SEMA3E: variants seen among roughly 807,000 people sequenced by gnomAD.
The protein encoded by SEMA3E is semaphorin 3E.
Under a neutral mutation model 93.6 loss-of-function variants are expected in SEMA3E, and 49 were observed. The ratio of observed to expected loss-of-function variants is 0.52; its 90% CI spans 0.42 to 0.66. The LOEUF (loss-of-function observed/expected upper bound fraction) is 0.66. Among genes scored for constraint, SEMA3E ranks in the 30% least tolerant of loss-of-function variants. The probability of loss-of-function intolerance (pLI) is 0.00; values close to 1 mark genes in which losing one functional copy is unlikely to be tolerated. For synonymous variants in SEMA3E, 363 were observed against 330.7 expected (o/e 1.10, Z -1.06); for missense variants, 906 against 964.8 (o/e 0.94, Z 0.81).
intron 4 of SEMA3E, among the ~76,000 whole-genome samples, chr7:83,443,113 A>G (rs948157667): frequency 1.1e-4 from 16 of 152,228 alleles, no homozygotes; most frequent in African/African-American, 3.9e-4. Flanking sequence ...AATAAAGCTG[A>G]CACAGCAAAG....
At chr7:83,455,445 C>T (rs186313546) in intron 4 of SEMA3E, among the ~76,000 whole-genome samples, 3 of 152,248 alleles carry the variant, frequency 2.0e-5, no homozygotes, top group Admixed American at 1.3e-4. Context: ...CTTGCCTCTC[C>T]CAGAAACATT....
intron 4 of SEMA3E, among the ~76,000 whole-genome samples, chr7:83,428,578 A>T (rs73172375): frequency 7.9e-5 from 12 of 152,068 alleles, no homozygotes; most frequent in Admixed American, 1.3e-4. Context: ...ACTCTACCAT[A>T]TCTTTTTTGT....
chr7:83,453,096 C>T (rs1381334898), intron 4 of SEMA3E, among the ~76,000 whole-genome samples: 7 of 152,070 alleles, frequency 4.6e-5, no homozygotes, highest in East Asian at 1.9e-4. Flanking sequence ...GGCGCAATCT[C>T]GGCTCACTGT....
At chr7:83,558,097 T>C (rs1009345533) in intron 1 of SEMA3E, among the ~76,000 whole-genome samples, 1 of 152,170 alleles carries the variant, frequency 6.6e-6, no homozygotes, top group African/African-American at 2.4e-5. Flanking sequence ...ATATTCCTAA[T>C]AATAGCTTTC....
intron 1 of SEMA3E, among the ~76,000 whole-genome samples, chr7:83,510,300 A>C (rs938705095): frequency 6.6e-6 from 1 of 152,196 alleles, no homozygotes; most frequent in Non-Finnish European, 1.5e-5. Context: ...TACAGGAATA[A>C]AAATTCAGCT....
chr7:83,613,552 A>AC (rs529223220), intron 1 of SEMA3E, among the ~76,000 whole-genome samples: 2 of 152,144 alleles, frequency 1.3e-5, no homozygotes, highest in South Asian at 4.1e-4. Context: ...ATAATCTAAA[A>AC]CCAGATTTCA....
chr7:83,499,710 C>T (rs1349320522), intron 1 of SEMA3E, among the ~76,000 whole-genome samples: 1 of 152,082 alleles, frequency 6.6e-6, no homozygotes, highest in African/African-American at 2.4e-5. Context: ...AGAGTTAATT[C>T]CCTTTTTATC....
At chr7:83,524,265 C>A (rs998106166) in intron 1 of SEMA3E, among the ~76,000 whole-genome samples, 1 of 151,974 alleles carries the variant, frequency 6.6e-6, no homozygotes, top group Non-Finnish European at 1.5e-5. Context: ...ACCTGAGGTA[C>A]CTTAGAGGAA....
At chr7:83,531,458 T>G (rs1791299619) in intron 1 of SEMA3E, among the ~76,000 whole-genome samples, 1 of 149,084 alleles carries the variant, frequency 6.7e-6, no homozygotes, top group Non-Finnish European at 1.5e-5. Context: ...GTGATTCTCC[T>G]GCCTCAGCCT....
At chr7:83,627,865 C>G (rs1158947819) in intron 1 of SEMA3E, among the ~76,000 whole-genome samples, 1 of 151,978 alleles carries the variant, frequency 6.6e-6, no homozygotes, top group Non-Finnish European at 1.5e-5. Flanking sequence ...CGTTATGATG[C>G]TAGCTGGTTA....
chr7:83,548,908 A>G (rs957792262), intron 1 of SEMA3E, among the ~76,000 whole-genome samples: 2 of 152,098 alleles, frequency 1.3e-5, no homozygotes, highest in Non-Finnish European at 2.9e-5. Context: ...CTCTGGGCAT[A>G]AACTCTCAAC....
Position 83,388,423 on chromosome 7 carries a change from T to C in SEMA3E, c.1668-1373A>G, listed in dbSNP as rs1787928255. On this transcript the variant is annotated intron_variant, in intron 14 of 16. Coordinates refer to ENST00000643230, the MANE Select transcript of SEMA3E (RefSeq NM_012431.3). ...TTCTGAGGAATTAAACAATGAGAATTATCATTAGTATTAATAGTATTGAAA... is the reference window on the plus strand; with the variant it reads ...TTCTGAGGAATTAAACAATGAGAATCATCATTAGTATTAATAGTATTGAAA... 5.3e-5 allele frequency among the ~76,000 whole-genome samples: 8 copies of C among 151,346 alleles called. No individual in the cohort carries two copies. The South Asian group carries it at 1.7e-3, about 31-fold the overall frequency.
chr7:83,535,869 T>A (rs977930318), intron 1 of SEMA3E, among the ~76,000 whole-genome samples: 15 of 152,094 alleles, frequency 9.9e-5, no homozygotes, highest in African/African-American at 3.6e-4. Context: ...GCACTAAATG[T>A]GAAGAAAATA....
chr7:83,554,393 C>T (rs1011917366), intron 1 of SEMA3E, among the ~76,000 whole-genome samples: 1 of 152,112 alleles, frequency 6.6e-6, no homozygotes, highest in Admixed American at 6.5e-5. Context: ...TGAGGTAGCA[C>T]TCGTATTCCT....
chr7:83,527,386 T>A (rs1791183371), intron 1 of SEMA3E, among the ~76,000 whole-genome samples: 1 of 152,218 alleles, frequency 6.6e-6, no homozygotes, highest in South Asian at 2.1e-4. Flanking sequence ...CTTTACTCAT[T>A]CCTTGGAGTA....
At position 83,648,440 on chromosome 7, in the gene SEMA3E, G is replaced by T; in HGVS notation, c.103C>A (p.Leu35Met). 1 of 1,605,702 alleles carries T rather than the reference G, an allele frequency of 6.2e-7. No homozygotes were observed. The highest frequency in any genetic ancestry group is 8.5e-7 in the Non-Finnish European group (1 of 1,175,002). Residue 35 changes from leucine to methionine, a missense_variant, in exon 1 of 17, where the codon CTG becomes ATG. Coordinates refer to ENST00000643230, the MANE Select transcript of SEMA3E (RefSeq NM_012431.3). ...TADTTHPRLR[L>M]SHKELLNLNR... ...AAAGGTAACCTACCTTTATGTGACAGGCGTAACCGGGGGTGGGTAGTATCA... is the reference window on the plus strand; with the variant it reads ...AAAGGTAACCTACCTTTATGTGACATGCGTAACCGGGGGTGGGTAGTATCA...
At chr7:83,383,086 T>C (rs1444086072) in intron 16 of SEMA3E, among the ~76,000 whole-genome samples, 1 of 151,910 alleles carries the variant, frequency 6.6e-6, no homozygotes, top group African/African-American at 2.4e-5. Context: ...GATAAATTAA[T>C]GACTTCTCTT....
chr7:83,591,307 CA>C (rs1293458602), intron 1 of SEMA3E, among the ~76,000 whole-genome samples: 1 of 151,844 alleles, frequency 6.6e-6, no homozygotes, highest in African/African-American at 2.4e-5. Context: ...CTGCCAGTAA[CA>C]AATTAAAATT....
intron 2 of SEMA3E, among the ~76,000 whole-genome samples, chr7:83,474,345 C>A (rs1789966054): frequency 6.6e-6 from 1 of 151,764 alleles, no homozygotes; most frequent in Admixed American, 6.6e-5. Flanking sequence ...TAGAAACAAG[C>A]ACTCTATGTT....
Sources: gnomAD v4.1 joint callset for allele counts (sites outside exome capture counted in the v4.1 genomes callset) on GRCh38, gnomAD v4.1.1 for gene constraint, MANE v1.5 for transcripts, NCBI Gene and HGNC (gene_info 2026-07-23, HGNC 2026-07-21) for gene names.